The following ASH1L variants were observed in gnomAD, a reference collection of about 807,000 sequenced individuals.
ASH1L encodes the protein ASH1 like histone lysine methyltransferase, also known as histone-lysine N-methyltransferase ASH1L.
In ASH1L, 23 loss-of-function variants were observed where a neutral mutation model predicts 269.0. The observed-to-expected ratio is 0.09, with a 90% confidence interval of 0.06 to 0.12. The LOEUF is 0.12. Among genes scored for constraint, ASH1L ranks in the 10% least tolerant of loss-of-function variants. The pLI is 1.00. For synonymous variants in ASH1L, 1,187 were observed against 1,253.5 expected, an observed-to-expected ratio of 0.95 and a Z score of 1.12; for missense variants, 2,912 against 3,567.8, an observed-to-expected ratio of 0.82 and a Z score of 4.68.
At position 155,479,639 on chromosome 1, in the gene ASH1L, A is replaced by C; in HGVS notation, c.3231T>G (p.Ala1077=). 6.2e-7 allele frequency: 1 copy of C among 1,614,210 alleles called. No homozygotes were observed. Among genetic ancestry groups the C allele is most frequent in the South Asian group, 1.1e-5 (1 of 91,084 alleles). Residue 1077 remains alanine (A), a synonymous_variant, in exon 3 of 28, where the codon GCT becomes GCG. Transcript: ENST00000392403. ...CTAATGCTGACCCAGCTGCCTGTTG[A>C]GCTGTTTGCTCAAGAACAGCAAGGC... is the stretch of plus-strand genomic sequence containing the variant. ...PTSLAVLEQT[A]QQAAGSALGQ...
chr1:155,486,380 A>G (rs991657663), intron 2 of ASH1L, among the ~76,000 whole-genome samples: 1 of 152,128 alleles, frequency 6.6e-6, no homozygotes, highest in African/African-American at 2.4e-5. Context: ...TCTTCACATT[A>G]TATTAAAGAA....
intron 3 of ASH1L, among the ~76,000 whole-genome samples, chr1:155,466,498 A>G (rs1360745790): frequency 6.6e-6 from 1 of 151,904 alleles, no homozygotes; most frequent in Non-Finnish European, 1.5e-5. Context: ...ACCACAAACA[A>G]TTTTCTTTCA....
At chr1:155,353,694 G>A (rs1343388103) in intron 16 of ASH1L, among the ~76,000 whole-genome samples, 1 of 152,120 alleles carries the variant, frequency 6.6e-6, no homozygotes, top group African/African-American at 2.4e-5. Context: ...AGAAAAAAAG[G>A]TCTTCAAACT....
intron 2 of ASH1L, among the ~76,000 whole-genome samples, chr1:155,511,630 T>TA (rs1668166405): frequency 6.6e-6 from 1 of 151,996 alleles, no homozygotes; most frequent in Admixed American, 6.6e-5. Context: ...CTCAGCCTCC[T>TA]GAGTCACTGG....
chr1:155,482,446 G>T lies in ASH1L; in HGVS notation c.424C>A (p.Pro142Thr), dbSNP rs760195651. 1.3e-6 allele frequency: 2 copies of T among 1,598,286 alleles called. No individual in the cohort carries two copies. The highest frequency in any genetic ancestry group is 3.5e-5 in the Admixed American group (2 of 56,728). The change falls in exon 3 of 28, where the codon CCT (proline) becomes ACT (threonine). Residue 142 changes from proline to threonine, a missense_variant. Physicochemically the swap from Pro to Thr is conservative, Grantham distance 38. Transcript: ENST00000392403. Reference protein sequence around the residue: ...KNEHCPSKRDPSKLYKKADDV... With the variant: ...KNEHCPSKRDTSKLYKKADDV... ...TCTGCTTTCTTGTACAACTTTGAAG[G>T]GTCCTAAAATTTGAACAAGAAAAAA... is the stretch of plus-strand genomic sequence containing the variant.
chr1:155,344,133 T>A (rs780858038), intron 22 of ASH1L, 50 bp downstream of exon 22: 1 of 1,508,814 alleles, frequency 6.6e-7, no homozygotes, highest in Non-Finnish European at 9.2e-7. Flanking sequence ...GACTTCCTAC[T>A]ATTCAGAAAG....
At chr1:155,373,524 G>A (rs1195452109) in intron 10 of ASH1L, among the ~76,000 whole-genome samples, 1 of 152,078 alleles carries the variant, frequency 6.6e-6, no homozygotes, top group Non-Finnish European at 1.5e-5. Flanking sequence ...CAAATTCCTG[G>A]GGGTCATGGG....
intron 2 of ASH1L, among the ~76,000 whole-genome samples, chr1:155,501,054 G>A (rs1667466620): frequency 6.6e-6 from 1 of 151,880 alleles, no homozygotes; most frequent in Non-Finnish European, 1.5e-5. Flanking sequence ...CAAAACAAAA[G>A]GCAATTGGAA....
At position 155,533,787 on chromosome 1, in the gene ASH1L, T is replaced by C. The variant is rs540038403; in HGVS notation, c.-99-12169A>G. 1.8e-4 allele frequency among the ~76,000 whole-genome samples: 27 copies of C among 152,174 alleles called. 1 individual carries two copies. In the South Asian group the frequency reaches 5.6e-3, roughly 32 times the overall value. On this transcript the variant is annotated intron_variant, in intron 1 of 27. Coordinates refer to ENST00000392403, the MANE Select transcript of ASH1L (RefSeq NM_018489.3). Reference sequence around the variant, plus strand: ...TTATTTCTCTCTGCTACATTTGGCATATTTGCTACGTTTGAAACTCTTTGG... The same window carrying C: ...TTATTTCTCTCTGCTACATTTGGCACATTTGCTACGTTTGAAACTCTTTGG...
chr1:155,502,076 T>TC (rs1667549155), intron 2 of ASH1L, among the ~76,000 whole-genome samples: 1 of 139,688 alleles, frequency 7.2e-6, no homozygotes, highest in African/African-American at 2.5e-5. Context: ...CTTTTCTTTT[T>TC]TTTTTTTTTT....
intron 1 of ASH1L, among the ~76,000 whole-genome samples, chr1:155,551,434 G>A (rs1449881372): frequency 1.3e-5 from 2 of 151,946 alleles, no homozygotes; most frequent in Non-Finnish European, 2.9e-5. Context: ...GCCGAGGCGG[G>A]CGGATCACGA....
intron 5 of ASH1L, among the ~76,000 whole-genome samples, chr1:155,437,225 A>G (rs1662175281): frequency 6.6e-6 from 1 of 152,246 alleles, no homozygotes; most frequent in African/African-American, 2.4e-5. Context: ...AATAATATCC[A>G]GAATATATTG....
intron 6 of ASH1L, among the ~76,000 whole-genome samples, chr1:155,409,595 T>C (rs1256706050): frequency 6.6e-6 from 1 of 152,150 alleles, no homozygotes; most frequent in East Asian, 1.9e-4. Context: ...ACATATGCAA[T>C]ATTCCTGCCA....
chr1:155,338,021 A>T, intron 27 of ASH1L, 68 bp downstream of exon 27: 4 of 1,491,102 alleles, frequency 2.7e-6, no homozygotes, highest in Non-Finnish European at 3.6e-6. Context: ...CAGTAATTAC[A>T]ATTTTTTTCC....
At chr1:155,371,452 G>A (rs542371420) in intron 10 of ASH1L, among the ~76,000 whole-genome samples, 5 of 152,158 alleles carry the variant, frequency 3.3e-5, no homozygotes, top group Admixed American at 2.6e-4. Context: ...GGAGGCTGAG[G>A]CAGGAGAGTC....
chr1:155,537,538 T>C (rs72995171), intron 1 of ASH1L, among the ~76,000 whole-genome samples: 7,442 of 152,224 alleles, frequency 0.049, 621 homozygotes, highest in African/African-American at 0.17. Flanking sequence ...GGATTGAATG[T>C]AATCTTCTCA....
At chr1:155,418,639 G>C (rs1405542604) in intron 5 of ASH1L, among the ~76,000 whole-genome samples, 1 of 152,056 alleles carries the variant, frequency 6.6e-6, no homozygotes, top group Non-Finnish European at 1.5e-5. Context: ...GAGAATTATG[G>C]CTAAAAAGTT....
intron 12 of ASH1L, 186 bp downstream of exon 12, chr1:155,370,318 T>A: frequency 4.6e-6 from 3 of 656,738 alleles, no homozygotes; most frequent in South Asian, 2.4e-5. Context: ...AAAACAAAAA[T>A]ATCTGTCTGG....
At chr1:155,407,701 G>C (rs1399534942) in intron 6 of ASH1L, among the ~76,000 whole-genome samples, 1 of 152,000 alleles carries the variant, frequency 6.6e-6, no homozygotes, top group African/African-American at 2.4e-5. Flanking sequence ...ATAAAATGTG[G>C]TATACATATG....
Sources: gnomAD v4.1 joint callset for allele counts (sites outside exome capture counted in the v4.1 genomes callset) on GRCh38, gnomAD v4.1.1 for gene constraint, MANE v1.5 for transcripts, NCBI Gene and HGNC (gene_info 2026-07-23, HGNC 2026-07-21) for gene names.